Variants in ASAH2 observed in about 807,000 individuals in gnomAD.
The protein encoded by ASAH2 is neutral ceramidase.
A neutral mutation model predicts 82.9 loss-of-function variants in ASAH2; 58 were observed. That is an observed-to-expected ratio of 0.70 (90% CI 0.57 to 0.87). The LOEUF is 0.87. Ranked by LOEUF, ASAH2 falls within the 40% of genes least tolerant of loss-of-function variation. The pLI, the probability that ASAH2 is intolerant of heterozygous loss-of-function variation, is 0.00. For missense variants in ASAH2, 779 were observed against 834.0 expected (o/e 0.93, Z 0.81); for synonymous variants, 276 against 289.7 (o/e 0.95, Z 0.48).
intron 17 of ASAH2, chr10:50,198,502 C>T (rs1223368647): frequency 1.3e-5 from 2 of 155,758 alleles, no homozygotes; most frequent in African/African-American, 4.8e-5. Context: ...TTTTGAACCA[C>T]CAAGAAAGTA....
chr10:50,239,046 G>A (rs1017344572), intron 4 of ASAH2, among the ~76,000 whole-genome samples: 33 of 152,172 alleles, frequency 2.2e-4, no homozygotes, highest in African/African-American at 7.9e-4. Flanking sequence ...TATGTCTACC[G>A]CTCACTTCTG....
chr10:50,218,667 A>G, intron 7 of ASAH2, 37 bp from the exon 8 acceptor site: 1 of 1,613,474 alleles, frequency 6.2e-7, no homozygotes, highest in Non-Finnish European at 8.5e-7. Context: ...TAATCAGGAG[A>G]ACGAGAGAAC....
At chr10:50,231,061 G>T (rs1389988608) in intron 7 of ASAH2, among the ~76,000 whole-genome samples, 3 of 148,108 alleles carry the variant, frequency 2.0e-5, no homozygotes, top group Non-Finnish European at 4.5e-5. Flanking sequence ...AAAAAAAAAA[G>T]GTTCAAAAAC....
intron 12 of ASAH2, among the ~76,000 whole-genome samples, chr10:50,207,565 T>A (rs1845333574): frequency 6.6e-6 from 1 of 150,946 alleles, no homozygotes; most frequent in Non-Finnish European, 1.5e-5. Flanking sequence ...ATTAGATAAC[T>A]TAGATAAAAT....
intron 1 of ASAH2, among the ~76,000 whole-genome samples, 151 bp from the exon 2 acceptor site, chr10:50,248,797 A>C (rs1474675884): frequency 1.3e-5 from 2 of 152,236 alleles, no homozygotes; most frequent in African/African-American, 4.8e-5. Flanking sequence ...CATGGCAGAC[A>C]AGACCAATCA....
intron 1 of ASAH2, among the ~76,000 whole-genome samples, 38 bp downstream of exon 1, chr10:50,251,357 C>T (rs1846608434): frequency 6.6e-6 from 1 of 152,182 alleles, no homozygotes; most frequent in Admixed American, 6.5e-5. Context: ...CAAGAGCCCT[C>T]CTTCCCTCCT....
rs963175258 is a variant in ASAH2, at chr10:50,202,692, C to T, written c.1761+137G>A. On this transcript the variant is annotated intron_variant, in intron 16 of 20. Coordinates refer to ENST00000682911, the MANE Select transcript of ASAH2 (RefSeq NM_019893.4). ...TTAAATACGGCCTCTGGCTTATCAT[C>T]CTCTTACCTGTTATACCTGAAACAT... 1.5e-5 allele frequency: 11 copies of T among 720,228 alleles called. No homozygotes were observed. In the Middle Eastern group the frequency reaches 1.1e-3, roughly 70 times the overall value. The allele number at this position is 720,228 out of a possible 1,614,324, so 44.6% of individuals were successfully genotyped here. A position where few individuals can be genotyped will look rare whatever the true frequency, so the allele number is the denominator to read the frequency against.
chr10:50,206,480 C>T (rs1455675665), intron 12 of ASAH2, among the ~76,000 whole-genome samples: 3 of 150,448 alleles, frequency 2.0e-5, no homozygotes, highest in South Asian at 2.1e-4. Flanking sequence ...CTCCAACTCA[C>T]AATACCAGTT....
intron 4 of ASAH2, among the ~76,000 whole-genome samples, chr10:50,242,169 A>T (rs1846316953): frequency 6.6e-6 from 1 of 151,880 alleles, no homozygotes; most frequent in Admixed American, 6.6e-5. Context: ...CTTATACAGA[A>T]AATGGAAATA....
At chr10:50,231,885 T>C (rs1846029547) in intron 7 of ASAH2, among the ~76,000 whole-genome samples, 1 of 152,218 alleles carries the variant, frequency 6.6e-6, no homozygotes, top group Non-Finnish European at 1.5e-5. Context: ...ATTAAGCTTT[T>C]TTCTATGTCA....
chr10:50,198,017 T>C lies in ASAH2; in HGVS notation c.1857+1034A>G, dbSNP rs533615271. On this transcript the variant is annotated intron_variant, in intron 17 of 20. Coordinates refer to ENST00000682911, the MANE Select transcript of ASAH2 (RefSeq NM_019893.4). ...ATAATAAAATGAAAATAAATATCAA[T>C]TGATTAAAATATGTGCAAAGAAATT... Among the ~76,000 whole-genome samples the C allele has an allele frequency of 1.3e-4, 20 of 152,136 alleles. No individual in the cohort carries two copies. In the East Asian group the frequency reaches 2.3e-3, roughly 18 times the overall value.
chr10:50,242,199 G>C (rs1393598812), intron 4 of ASAH2, among the ~76,000 whole-genome samples: 1 of 136,964 alleles, frequency 7.3e-6, no homozygotes, highest in Non-Finnish European at 1.5e-5. Context: ...CCACCTCACT[G>C]TTTTGTGAGT....
At chr10:50,229,587 C>T (rs987969282) in intron 7 of ASAH2, among the ~76,000 whole-genome samples, 1 of 152,136 alleles carries the variant, frequency 6.6e-6, no homozygotes, top group African/African-American at 2.4e-5. Flanking sequence ...GTTTTCATTC[C>T]TCTTGGTATA....
At chr10:50,193,383 T>C (rs1489818058) in intron 18 of ASAH2, among the ~76,000 whole-genome samples, 3 of 150,142 alleles carry the variant, frequency 2.0e-5, no homozygotes, top group African/African-American at 7.3e-5. Flanking sequence ...CCAAACAGTC[T>C]TGAGTTTATA....
At chr10:50,218,466 A>G in intron 8 of ASAH2, 44 bp downstream of exon 8, 1 of 1,612,890 alleles carries the variant, frequency 6.2e-7, no homozygotes, top group Non-Finnish European at 8.5e-7. Flanking sequence ...GAATGATGAC[A>G]CTCAGTGAAT....
rs941739111 is a variant in ASAH2 at position 50,199,171 on chromosome 10, T to C, written c.1762-25A>G. On this transcript the variant is annotated intron_variant, in intron 16 of 20. Coordinates refer to ENST00000682911, the MANE Select transcript of ASAH2 (RefSeq NM_019893.4). ...CCTGCAGGAAAGGCAGGGAGAGTTGTATATGGTTCTGCTTATTTAAATCCA... is the reference window on the plus strand; with the variant it reads ...CCTGCAGGAAAGGCAGGGAGAGTTGCATATGGTTCTGCTTATTTAAATCCA... The C allele has an allele frequency of 5.9e-4, 951 of 1,611,580 alleles. 4 individuals carry two copies. In the African/African-American group the frequency reaches 8.4e-3, roughly 14 times the overall value.
intron 7 of ASAH2, among the ~76,000 whole-genome samples, chr10:50,223,851 G>T (rs1845810133): frequency 6.6e-6 from 1 of 152,142 alleles, no homozygotes; most frequent in South Asian, 2.1e-4. Flanking sequence ...ACAGATTGGA[G>T]GGATGTGTCT....
chr10:50,229,996 G>A (rs927681213), intron 7 of ASAH2, among the ~76,000 whole-genome samples: 5 of 152,152 alleles, frequency 3.3e-5, no homozygotes, highest in African/African-American at 1.2e-4. Flanking sequence ...TTGTTCATCA[G>A]TGTATCCCAT....
At chr10:50,207,065 G>A (rs1469101793) in intron 12 of ASAH2, among the ~76,000 whole-genome samples, 1 of 151,912 alleles carries the variant, frequency 6.6e-6, no homozygotes, top group Admixed American at 6.6e-5. Context: ...TAAGCAGTAT[G>A]ATCTGAAATA....
Sources: allele counts gnomAD v4.1 joint callset (sites outside exome capture counted in the v4.1 genomes callset), GRCh38; gene constraint gnomAD v4.1.1; transcripts MANE v1.5; gene names NCBI Gene and HGNC (gene_info 2026-07-23, HGNC 2026-07-21).